The following THNSL1 variants were observed in gnomAD, a reference collection of about 807,000 sequenced individuals.
THNSL1 encodes the protein threonine synthase like 1.
In THNSL1, 48 loss-of-function variants were observed where a neutral mutation model predicts 50.4. That is an observed-to-expected ratio of 0.95 (90% CI 0.76 to 1.21). The LOEUF is 1.21. Ranked by LOEUF, THNSL1 falls within the 50% of genes most tolerant of loss-of-function variation. The probability of loss-of-function intolerance (pLI) is 0.00; values close to 1 mark genes in which losing one functional copy is unlikely to be tolerated. For missense variants in THNSL1, 896 were observed against 871.7 expected (o/e 1.03, Z -0.35); for synonymous variants, 309 against 306.1 (o/e 1.01, Z -0.10).
chr10:24,988,540 A>T, the THNSL1 span, among the ~76,000 whole-genome samples: 1 of 147,470 alleles, frequency 6.8e-6, no homozygotes, highest in Non-Finnish European at 1.5e-5. Flanking sequence ...ATCTATGTAC[A>T]TGTAGAGATA....
the THNSL1 span, chr10:24,983,283 T>C: frequency 6.6e-6 from 1 of 152,092 alleles, no homozygotes; most frequent in Non-Finnish European, 1.5e-5. Context: ...ATATGCATCA[T>C]TTCTAGGCCT....
chr10:24,979,507 C>T, the THNSL1 span, among the ~76,000 whole-genome samples: 1 of 152,100 alleles, frequency 6.6e-6, no homozygotes, highest in East Asian at 1.9e-4. Context: ...TTCTTGGCTT[C>T]CTGGTTTTCT....
Position 25,025,756 on chromosome 10 carries a change from A to C in THNSL1, c.*301A>C. 3.6e-6 allele frequency: 1 copy of C among 277,474 alleles called. No individual in the cohort carries two copies. The allele number at this position is 277,474 out of a possible 1,614,324, so 17.2% of individuals were successfully genotyped here. ...CACCCTCACTGTTATGTGGACCAAA[A>C]TGTCTGGTATACTATTTGGCGATTA... On this transcript the variant is annotated 3_prime_UTR_variant, in exon 3 of 3. Transcript: ENST00000376356.
At chr10:25,000,325 G>T in the THNSL1 span, among the ~76,000 whole-genome samples, 1 of 152,128 alleles carries the variant, frequency 6.6e-6, no homozygotes, top group Admixed American at 6.5e-5. Flanking sequence ...TTCTATAAAT[G>T]ACAACTAGGT....
the THNSL1 span, among the ~76,000 whole-genome samples, chr10:24,997,524 C>T: frequency 6.6e-6 from 1 of 151,612 alleles, no homozygotes; most frequent in Admixed American, 6.6e-5. Context: ...ATAGCTGGGA[C>T]CACAGATGTG....
At chr10:24,995,764 G>A in the THNSL1 span, 2 of 1,613,926 alleles carry the variant, frequency 1.2e-6, no homozygotes, top group Non-Finnish European at 1.7e-6. Flanking sequence ...GATATCAGCT[G>A]CATTTGTATT....
rs917389718 is a variant in THNSL1, at chr10:25,024,799, C to G, written c.1576C>G (p.Pro526Ala). The G allele has an allele frequency of 1.2e-6, 2 of 1,613,962 alleles. No individual in the cohort carries two copies. The highest frequency in any genetic ancestry group is 2.7e-5 in the African/African-American group (2 of 74,904). The change falls in exon 3 of 3, where the codon CCG becomes GCG. Residue 526 changes from proline (P) to alanine (A), a missense_variant. Coordinates refer to ENST00000376356, the MANE Select transcript of THNSL1 (RefSeq NM_024838.5). Reference sequence around the variant, plus strand: ...AGTGTATGCCAAAATGATGGGAATCCCGATTCGAAAATTTATCTGTGCCTC... The same window carrying G: ...AGTGTATGCCAAAATGATGGGAATCGCGATTCGAAAATTTATCTGTGCCTC... The part of the protein sequence containing the change: ...AAVYAKMMGI[P>A]IRKFICASNQ...
At chr10:25,022,980 A>C (rs532505426) in intron 2 of THNSL1, among the ~76,000 whole-genome samples, 196 bp from the exon 3 acceptor site, 1 of 152,336 alleles carries the variant, frequency 6.6e-6, no homozygotes, top group East Asian at 1.9e-4. Flanking sequence ...AAAAGATATC[A>C]TTAAAAGGAT....
chr10:24,976,468 T>C, the THNSL1 span, among the ~76,000 whole-genome samples: 1 of 152,130 alleles, frequency 6.6e-6, no homozygotes. Context: ...CATCTATACC[T>C]ATAAAGCATT....
chr10:24,996,456 G>GTGTATATATA, the THNSL1 span, among the ~76,000 whole-genome samples: 2 of 149,806 alleles, frequency 1.3e-5, no homozygotes, highest in African/African-American at 4.9e-5. Context: ...GTGTGTGTGT[G>GTGTATATATA]TATATATATA....
At chr10:24,976,702 C>T in the THNSL1 span, among the ~76,000 whole-genome samples, 1 of 151,996 alleles carries the variant, frequency 6.6e-6, no homozygotes, top group Non-Finnish European at 1.5e-5. Context: ...CCATGTTGGC[C>T]AGGCTGGTCT....
At position 25,025,079 on chromosome 10, in the gene THNSL1, G is replaced by T; in HGVS notation, c.1856G>T (p.Cys619Phe). The T allele has an allele frequency of 1.2e-6, 2 of 1,614,192 alleles. No homozygotes were observed. Among genetic ancestry groups the T allele is most frequent in the Non-Finnish European group, 1.7e-6 (2 of 1,180,036 alleles). ...KLQQDFVADW[C>F]SEGECLAAIN... The stretch of plus-strand genomic sequence containing the variant: ...CAGCAGGATTTTGTAGCTGACTGGT[G>T]CTCTGAGGGAGAGTGCCTAGCAGCT... Residue 619 changes from cysteine to phenylalanine, a missense_variant, in exon 3 of 3, where the codon TGC becomes TTC. By Grantham distance (205) the Cys-to-Phe change is radical. Coordinates refer to ENST00000376356, the MANE Select transcript of THNSL1 (RefSeq NM_024838.5).
the THNSL1 span, among the ~76,000 whole-genome samples, chr10:25,003,252 G>C: frequency 6.6e-6 from 1 of 151,918 alleles, no homozygotes; most frequent in South Asian, 2.1e-4. Flanking sequence ...TGTTGCCCAG[G>C]CTGGAGTGCA....
the THNSL1 span, among the ~76,000 whole-genome samples, chr10:24,972,934 A>C: frequency 2.3e-3 from 344 of 152,302 alleles, 2 homozygotes; most frequent in Non-Finnish European, 3.8e-3. Context: ...TCAACCCTTT[A>C]TATACTACAT....
chr10:24,999,066 T>A, the THNSL1 span, among the ~76,000 whole-genome samples: 1 of 152,198 alleles, frequency 6.6e-6, no homozygotes, highest in African/African-American at 2.4e-5. Flanking sequence ...TGGGCAATCT[T>A]GCCCATTAGT....
chr10:24,999,699 C>A, the THNSL1 span, among the ~76,000 whole-genome samples: 1 of 152,126 alleles, frequency 6.6e-6, no homozygotes. Context: ...GAGCCCTGTC[C>A]ATCAGACTTA....
intron 1 of THNSL1, among the ~76,000 whole-genome samples, chr10:25,019,097 A>G (rs957434503): frequency 1.3e-5 from 2 of 152,204 alleles, no homozygotes; most frequent in Non-Finnish European, 1.5e-5. Context: ...CCTTTTGGCT[A>G]GTTTGTGTCC....
At chr10:25,020,847 G>T (rs761003030) in intron 1 of THNSL1, among the ~76,000 whole-genome samples, 11 of 151,860 alleles carry the variant, frequency 7.2e-5, no homozygotes, top group Non-Finnish European at 1.2e-4. Flanking sequence ...TCAAAAAGAA[G>T]AAACTGTAAT....
the THNSL1 span, chr10:24,984,593 T>G: frequency 2.9e-6 from 3 of 1,043,622 alleles, no homozygotes; most frequent in Non-Finnish European, 4.0e-6. Flanking sequence ...AATTATTCTT[T>G]GCATATTGCC....
Sources: allele counts gnomAD v4.1 joint callset (sites outside exome capture counted in the v4.1 genomes callset), GRCh38; gene constraint gnomAD v4.1.1; transcripts MANE v1.5; gene names NCBI Gene and HGNC (gene_info 2026-07-23, HGNC 2026-07-21).